The following MUTYH variants were observed in gnomAD, a reference collection of about 807,000 sequenced individuals.
MUTYH encodes mutY DNA glycosylase.
Under a neutral mutation model 72.9 loss-of-function variants are expected in MUTYH, and 64 were observed. The ratio of observed to expected loss-of-function variants is 0.88; its 90% CI spans 0.72 to 1.08. The LOEUF (loss-of-function observed/expected upper bound fraction) is 1.08. MUTYH is among the 50% of genes least tolerant of loss of function. The pLI is 0.00. For synonymous variants in MUTYH, 234 were observed against 263.1 expected, an observed-to-expected ratio of 0.89 and a Z score of 1.07; for missense variants, 633 against 671.0, an observed-to-expected ratio of 0.94 and a Z score of 0.63.
rs771683103 is a variant in MUTYH, at chr1:45,332,048, C to T, written c.888G>A (p.Ser296=). 6.8e-6 allele frequency: 11 copies of T among 1,614,186 alleles called. No individual in the cohort carries two copies. The highest frequency in any genetic ancestry group is 5.0e-5 in the Admixed American group (3 of 60,028). ...QEQLLASGSL[S]GSPDVEECAP... Reference sequence around the variant, plus strand: ...CACACTCCTCCACGTCAGGACTGCCCGACAGGCTCCCTGAGGCTAAGAGCT... The same window carrying T: ...CACACTCCTCCACGTCAGGACTGCCTGACAGGCTCCCTGAGGCTAAGAGCT... The change falls in exon 11 of 16, where the codon TCG becomes TCA. Residue 296 remains serine (S), a synonymous_variant. Coordinates refer to ENST00000456914, the MANE Select transcript of MUTYH (RefSeq NM_001048174.2).
rs863224700 is a variant in MUTYH, at chr1:45,332,190, C to A, written c.825G>T (p.Glu275Asp). The change falls in exon 10 of 16, where the codon GAG becomes GAT. Residue 275 changes from glutamate (E) to aspartate (D), a missense_variant. Glu to Asp is a conservative substitution (Grantham distance 45). Coordinates refer to ENST00000456914, the MANE Select transcript of MUTYH (RefSeq NM_001048174.2). ...CTCTCTGGCGTGCCCGGCACAGGCT[C>A]TCCACAGGGCACTGGCTGCACAGTG... ...QRPLCSQCPV[E>D]SLCRARQRVE... 2 of 1,614,100 alleles carry A rather than the reference C, an allele frequency of 1.2e-6. No homozygotes were observed. The highest frequency in any genetic ancestry group is 1.7e-6 in the Non-Finnish European group (2 of 1,180,044).
At position 45,336,604 on chromosome 1, in the gene MUTYH, T is replaced by C. The variant is rs570181846; in HGVS notation, c.-6-2093A>G. Among the ~76,000 whole-genome samples, 17 of 150,500 alleles carry C rather than the reference T, an allele frequency of 1.1e-4. No individual in the cohort carries two copies. In the South Asian group the frequency reaches 3.6e-3, roughly 32 times the overall value. ...AATGTACTTTGTGAGATCCACCCCC[T>C]GCCCCCAAAACATTGCTCTTAACTC... On this transcript the variant is annotated intron_variant, in intron 1 of 15. Transcript: ENST00000456914.
upstream of MUTYH, chr1:45,340,300 C>T: frequency 1.9e-6 from 3 of 1,612,736 alleles, no homozygotes; most frequent in Non-Finnish European, 2.5e-6. Context: ...CCGCAGCTTC[C>T]GACGGTGAGC....
At position 45,331,498 on chromosome 1, in the gene MUTYH, A is replaced by G. The variant is rs550693666; in HGVS notation, c.1161T>C (p.Leu387=). 2 of 1,614,022 alleles carry G rather than the reference A, an allele frequency of 1.2e-6. No individual in the cohort carries two copies. The highest frequency in any genetic ancestry group is 1.7e-6 in the Non-Finnish European group (2 of 1,180,022). Residue 387 remains leucine, a synonymous_variant, in exon 13 of 16, where the codon CTT becomes CTC. Transcript: ENST00000456914. ...GTTCCTGCAGCAGGGCCTTGCGCTG[A>G]AGCTGCTCTGAGGGCTCCCAGGTCA... The part of the protein sequence containing the change: ...PSVTWEPSEQ[L]QRKALLQELQ...
chr1:45,339,698 G>T, intron 1 of MUTYH: 2 of 618,666 alleles, frequency 3.2e-6, no homozygotes, highest in Non-Finnish European at 5.2e-6. Flanking sequence ...AGCCTCCTCC[G>T]ATGGCCCACT....
upstream of MUTYH, chr1:45,340,063 G>A: frequency 1.3e-6 from 2 of 1,543,976 alleles, no homozygotes; most frequent in Admixed American, 2.0e-5. Context: ...GGCAGCACAG[G>A]CCAATAGGCA....
rs2149175120 is a variant in MUTYH at position 45,333,523 on chromosome 1, A to C, written c.154T>G (p.Ser52Ala). 6.2e-7 allele frequency: 1 copy of C among 1,614,184 alleles called. No individual in the cohort carries two copies. Among genetic ancestry groups the C allele is most frequent in the Non-Finnish European group, 8.5e-7 (1 of 1,179,992 alleles). Residue 52 changes from serine to alanine, a missense_variant, in exon 3 of 16, where the codon TCT (serine) becomes GCT (alanine). Transcript: ENST00000456914. ...RQPEEVVLQA[S>A]VSSYHLFRDV... The stretch of plus-strand genomic sequence containing the variant: ...CTGAATAGATGGTATGAGGAGACAG[A>C]GGCCTGCAATACCACCTCTTCCGGC...
intron 11 of MUTYH, 72 bp downstream of exon 11, chr1:45,331,951 A>G: frequency 2.5e-6 from 4 of 1,612,178 alleles, no homozygotes; most frequent in Non-Finnish European, 2.5e-6. Flanking sequence ...TACTCAGGTT[A>G]GAGGAAGAAC....
chr1:45,331,910 G>GCTTT, intron 11 of MUTYH, 61 bp from the exon 12 acceptor site: 1 of 1,609,952 alleles, frequency 6.2e-7, no homozygotes. Context: ...CCAACCTAGA[G>GCTTT]AGTGGGCTTT....
At chr1:45,335,008 G>A (rs1645668919) in intron 1 of MUTYH, among the ~76,000 whole-genome samples, 1 of 152,162 alleles carries the variant, frequency 6.6e-6, no homozygotes, top group South Asian at 2.1e-4. Flanking sequence ...AGATCTGTCT[G>A]AGAACAGATG....
chr1:45,330,614 G>A (rs1644651628), intron 14 of MUTYH, 57 bp from the exon 15 acceptor site: 12 of 1,553,832 alleles, frequency 7.7e-6, no homozygotes, highest in Non-Finnish European at 1.1e-5. Flanking sequence ...AGATAAACCG[G>A]TGTTCTGCCC....
Position 45,331,571 on chromosome 1 carries a change from A to G in MUTYH, c.1103-15T>C, listed in dbSNP as rs1392154385. ...TGCCAGCAGACCTGAGAGGGAGGGCAGCCAGGCAGGGGTCAGGCCTCAGCT... is the reference window on the plus strand; with the variant it reads ...TGCCAGCAGACCTGAGAGGGAGGGCGGCCAGGCAGGGGTCAGGCCTCAGCT... On this transcript the variant is annotated splice_polypyrimidine_tract_variant and intron_variant, in intron 12 of 15. Coordinates refer to ENST00000456914, the MANE Select transcript of MUTYH (RefSeq NM_001048174.2). The G allele has an allele frequency of 3.7e-6, 6 of 1,613,790 alleles. No individual in the cohort carries two copies. The highest frequency in any genetic ancestry group is 5.1e-6 in the Non-Finnish European group (6 of 1,180,022).
At chr1:45,339,995 GCCCGGCTTT>G, upstream of MUTYH, 3 of 1,536,150 alleles carry the variant, frequency 2.0e-6, no homozygotes, top group Non-Finnish European at 2.6e-6. Context: ...GCTCTAGCGC[GCCCGGCTTT>G]CCGGCGCACT....
At position 45,332,151 on chromosome 1, in the gene MUTYH, C is replaced by T. The variant is rs2149136154; in HGVS notation, c.849+15G>A. 6.2e-7 allele frequency: 1 copy of T among 1,614,198 alleles called. No individual in the cohort carries two copies. The highest frequency in any genetic ancestry group is 8.5e-7 in the Non-Finnish European group (1 of 1,180,028). On this transcript the variant is annotated intron_variant, in intron 10 of 15. Transcript: ENST00000456914. ...TCCTTAGGACTTCTCACTGCCCCTT[C>T]CCCAGTAGGCTTACTCTCTGGCGTG... is the stretch of plus-strand genomic sequence containing the variant.
At chr1:45,339,741 G>T in intron 1 of MUTYH, 158 bp downstream of exon 1, 1 of 971,062 alleles carries the variant, frequency 1.0e-6, no homozygotes, top group Non-Finnish European at 1.5e-6. Flanking sequence ...AGATCACTGA[G>T]CTCTCCATCC....
chr1:45,332,682 T>C lies in MUTYH; in HGVS notation c.498A>G (p.Val166=). Residue 166 remains valine, a synonymous_variant, in exon 8 of 16, where the codon GTA becomes GTG. Transcript: ENST00000456914. ...RRLQEGARKV[V]EELGGHMPRT... ...GTGGCATGTGGCCCCCTAGCTCCTC[T>C]ACCACCTGATTGGAGTGCAAGACTC... 6.2e-7 allele frequency: 1 copy of C among 1,614,134 alleles called. No individual in the cohort carries two copies. The highest frequency in any genetic ancestry group is 8.5e-7 in the Non-Finnish European group (1 of 1,179,996).
At chr1:45,329,603 C>G (rs1367606068) in intron 15 of MUTYH, among the ~76,000 whole-genome samples, 166 bp from the exon 16 acceptor site, 2 of 152,156 alleles carry the variant, frequency 1.3e-5, no homozygotes, top group Non-Finnish European at 2.9e-5. Flanking sequence ...ATCAATCAAC[C>G]CTCCAAAAGG....
At chr1:45,339,982 C>G (rs762127548), upstream of MUTYH, 1 of 1,530,632 alleles carries the variant, frequency 6.5e-7, no homozygotes, top group Non-Finnish European at 8.8e-7. Context: ...TTACCTCCCG[C>G]GAGCTCTAGC....
rs1376426816 is a variant in MUTYH, at chr1:45,331,096, C to T, written c.1392+86G>A. On this transcript the variant is annotated intron_variant, in intron 14 of 15. Transcript: ENST00000456914. ...CGATTCTCCGTCTCAAAAAAAAATG[C>T]TTTTTTTCCTGTTTACACAGTAATA... is the stretch of plus-strand genomic sequence containing the variant. 4 of 1,577,620 alleles carry T rather than the reference C, an allele frequency of 2.5e-6. No homozygotes were observed. In the African/African-American group the frequency reaches 4.1e-5, roughly 16 times the overall value.
Sources: gnomAD v4.1 joint callset for allele counts (sites outside exome capture counted in the v4.1 genomes callset) on GRCh38, gnomAD v4.1.1 for gene constraint, MANE v1.5 for transcripts, NCBI Gene and HGNC (gene_info 2026-07-23, HGNC 2026-07-21) for gene names.